Variants in MINDY2 observed in about 807,000 individuals in gnomAD.
The protein encoded by MINDY2 is ubiquitin carboxyl-terminal hydrolase MINDY-2.
Under a neutral mutation model 68.2 loss-of-function variants are expected in MINDY2, and 52 were observed. That is an observed-to-expected ratio of 0.76 (90% CI 0.61 to 0.96). The LOEUF is 0.96. Ranked by LOEUF, MINDY2 falls within the 40% of genes least tolerant of loss-of-function variation. The pLI, the probability that MINDY2 is intolerant of heterozygous loss-of-function variation, is 0.00. For synonymous variants in MINDY2, 372 were observed against 303.0 expected (o/e 1.23, Z -2.36); for missense variants, 881 against 773.4 (o/e 1.14, Z -1.65).
At chr15:58,783,238 A>C (rs780307827) in intron 1 of MINDY2, among the ~76,000 whole-genome samples, 28 of 151,992 alleles carry the variant, frequency 1.8e-4, no homozygotes, top group African/African-American at 6.8e-4. Flanking sequence ...TCTTTTTTCT[A>C]AAGAGCAGAG....
At chr15:58,784,620 C>CTTTT (rs777455607) in intron 1 of MINDY2, among the ~76,000 whole-genome samples, 6 of 129,876 alleles carry the variant, frequency 4.6e-5, no homozygotes, top group African/African-American at 5.9e-5. Context: ...TCTTTCTTTC[C>CTTTT]TTTTTTTTTT....
In MINDY2 at chr15:58,831,880, T is replaced by G. The variant is rs1366527012; in HGVS notation, c.1332T>G (p.Phe444Leu). The G allele has an allele frequency of 6.2e-7, 1 of 1,613,660 alleles. No individual in the cohort carries two copies. The highest frequency in any genetic ancestry group is 1.1e-5 in the South Asian group (1 of 91,026). The part of the protein sequence containing the change: ...TVQEGELCVF[F>L]RNNHFSTMTK... ...AGGAAGGAGAACTTTGTGTGTTCTT[T>G]CGGAATAATCATTTTAGCACCATGA... is the stretch of plus-strand genomic sequence containing the variant. Residue 444 changes from phenylalanine (F) to leucine (L), a missense_variant, in exon 6 of 9, where the codon TTT becomes TTG. Phe to Leu is a conservative substitution (Grantham distance 22, BLOSUM62 0). Coordinates refer to ENST00000559228, the MANE Select transcript of MINDY2 (RefSeq NM_001040450.3).
At chr15:58,831,055 A>ATATATATATACATG (rs1204574446) in intron 5 of MINDY2, among the ~76,000 whole-genome samples, 2 of 145,504 alleles carry the variant, frequency 1.4e-5, no homozygotes, top group African/African-American at 5.5e-5. Context: ...ATATATATAT[A>ATATATATATACATG]TATATGTTTT....
chr15:58,802,440 T>TTAG, intron 3 of MINDY2, 63 bp downstream of exon 3: 1 of 1,079,426 alleles, frequency 9.3e-7, no homozygotes, highest in Non-Finnish European at 1.3e-6. Flanking sequence ...TTGGTTTCTA[T>TTAG]TAGTAGCTGG....
chr15:58,814,794 C>CTTT (rs34747262), intron 4 of MINDY2, among the ~76,000 whole-genome samples: 2 of 129,862 alleles, frequency 1.5e-5, no homozygotes, highest in Non-Finnish European at 1.6e-5. Context: ...TTAATTTTAA[C>CTTT]TTTTTTTTTT....
At chr15:58,820,673 G>A (rs937419600) in intron 4 of MINDY2, among the ~76,000 whole-genome samples, 1 of 152,086 alleles carries the variant, frequency 6.6e-6, no homozygotes, top group African/African-American at 2.4e-5. Flanking sequence ...CTGGGCAGTG[G>A]AATGAAAACT....
At chr15:58,785,116 T>C (rs1216540684) in intron 1 of MINDY2, among the ~76,000 whole-genome samples, 2 of 124,074 alleles carry the variant, frequency 1.6e-5, no homozygotes, top group Non-Finnish European at 3.2e-5. Flanking sequence ...GCTTTTGAAG[T>C]GATGGTGGTG....
chr15:58,811,522 T>C (rs1480187533), intron 4 of MINDY2, among the ~76,000 whole-genome samples: 3 of 152,194 alleles, frequency 2.0e-5, no homozygotes, highest in Non-Finnish European at 4.4e-5. Context: ...TTGCCACTCC[T>C]AACTCTGAAG....
chr15:58,807,021 T>C (rs1346676935), intron 3 of MINDY2, among the ~76,000 whole-genome samples: 1 of 152,212 alleles, frequency 6.6e-6, no homozygotes, highest in Admixed American at 6.5e-5. Flanking sequence ...TACAGTCTGT[T>C]AGAATGGAAT....
At position 58,821,509 on chromosome 15, in the gene MINDY2, ACTG is replaced by A. The variant is rs1274239190; in HGVS notation, c.1123-206_1123-204del. ...TATTTTGCATAATTAAAATAATACA[ACTG>A]CAGTATTTTTCATAATGTGTCCTAC... On this transcript the variant is annotated intron_variant, in intron 4 of 8. Coordinates refer to ENST00000559228, the MANE Select transcript of MINDY2 (RefSeq NM_001040450.3). Among the ~76,000 whole-genome samples, 18 of 152,252 alleles carry A rather than the reference ACTG, an allele frequency of 1.2e-4. No individual in the cohort carries two copies. In the East Asian group the frequency reaches 3.3e-3, roughly 28 times the overall value.
chr15:58,814,252 C>A (rs2140983215), intron 4 of MINDY2, among the ~76,000 whole-genome samples: 1 of 152,238 alleles, frequency 6.6e-6, no homozygotes, highest in Admixed American at 6.5e-5. Flanking sequence ...ATTTGCATTT[C>A]TTTAACGGCT....
At chr15:58,803,518 A>G (rs1433691609) in intron 3 of MINDY2, among the ~76,000 whole-genome samples, 6 of 148,106 alleles carry the variant, frequency 4.1e-5, no homozygotes, top group East Asian at 2.1e-4. Context: ...GCATTATATC[A>G]TAAGATAGGA....
intron 5 of MINDY2, among the ~76,000 whole-genome samples, chr15:58,826,379 G>A (rs1029929853): frequency 9.2e-5 from 14 of 151,944 alleles, no homozygotes; most frequent in South Asian, 4.2e-4. Flanking sequence ...ACAGGCATGC[G>A]CCACCACACC....
In MINDY2 at chr15:58,830,524, C is replaced by T. The variant is rs189956911; in HGVS notation, c.1226-1250C>T. On this transcript the variant is annotated intron_variant, in intron 5 of 8. Coordinates refer to ENST00000559228, the MANE Select transcript of MINDY2 (RefSeq NM_001040450.3). The stretch of plus-strand genomic sequence containing the variant: ...CAGTATAATGCAGACATTCCAAAAT[C>T]CAAAAGAATCCACACCCAAAACCCT... Among the ~76,000 whole-genome samples the T allele has an allele frequency of 2.0e-5, 3 of 152,192 alleles. No homozygotes were observed. In the East Asian group the frequency reaches 5.8e-4, roughly 29 times the overall value.
In MINDY2 at chr15:58,772,031, CG is replaced by C. The variant is rs1229557067; in HGVS notation, c.640del (p.Ala214LeufsTer68). On this transcript the variant is annotated frameshift_variant, in exon 1 of 9. Coordinates refer to ENST00000559228, the MANE Select transcript of MINDY2 (RefSeq NM_001040450.3). LOFTEE classifies it high-confidence loss of function. The stretch of plus-strand genomic sequence containing the variant: ...AGGAGGAGGGCGCGGCGGTGTTGCC[CG>C]GGGCTGTTCCTCTGTGCAAGGAGGA... ...EEEEGAAVLP[G>X]AVPLCKEEEG... 1 of 1,601,958 alleles carries C rather than the reference CG, an allele frequency of 6.2e-7. No homozygotes were observed. Among genetic ancestry groups the C allele is most frequent in the African/African-American group, 1.3e-5 (1 of 74,672 alleles).
At chr15:58,819,487 CAG>C (rs2030921351) in intron 4 of MINDY2, among the ~76,000 whole-genome samples, 1 of 151,968 alleles carries the variant, frequency 6.6e-6, no homozygotes, top group African/African-American at 2.4e-5. Context: ...GCGTGGGAGA[CAG>C]AGTAAGAAAA....
chr15:58,809,927 A>G (rs1437835284), intron 3 of MINDY2, among the ~76,000 whole-genome samples: 2 of 152,056 alleles, frequency 1.3e-5, no homozygotes, highest in Admixed American at 6.5e-5. Flanking sequence ...CTACAGGCGC[A>G]TGCCACCATG....
intron 5 of MINDY2, among the ~76,000 whole-genome samples, chr15:58,827,826 G>C (rs116803237): frequency 2.1e-3 from 321 of 152,182 alleles, no homozygotes; most frequent in African/African-American, 7.7e-3. Context: ...ATGGCCAGTG[G>C]GATGCCCTCA....
intron 4 of MINDY2, among the ~76,000 whole-genome samples, chr15:58,814,939 G>A (rs1416411590): frequency 6.6e-6 from 1 of 151,782 alleles, no homozygotes; most frequent in African/African-American, 2.4e-5. Context: ...CACTGTGCCT[G>A]GACTTAATTT....
Sources: allele counts gnomAD v4.1 joint callset (sites outside exome capture counted in the v4.1 genomes callset), GRCh38; gene constraint gnomAD v4.1.1; transcripts MANE v1.5; gene names NCBI Gene and HGNC (gene_info 2026-07-23, HGNC 2026-07-21).